RPS6KA2: variants seen among roughly 807,000 people sequenced by gnomAD.
RPS6KA2 encodes the protein ribosomal protein S6 kinase alpha-2.
In RPS6KA2, 42 loss-of-function variants were observed where a neutral mutation model predicts 91.8. That is an observed-to-expected ratio of 0.46 (90% CI 0.36 to 0.59). RPS6KA2 has a LOEUF of 0.59. Among genes scored for constraint, RPS6KA2 ranks in the 20% least tolerant of loss-of-function variants. The pLI, the probability that RPS6KA2 is intolerant of heterozygous loss-of-function variation, is 0.00. For missense variants in RPS6KA2, 798 were observed against 978.5 expected (o/e 0.82, Z 2.46); for synonymous variants, 414 against 393.6 (o/e 1.05, Z -0.61).
intron 10 of RPS6KA2, among the ~76,000 whole-genome samples, chr6:166,487,560 A>C (rs1275159649): frequency 4.6e-5 from 7 of 152,216 alleles, no homozygotes; most frequent in African/African-American, 1.7e-4. Flanking sequence ...ACAGAGGAGA[A>C]CTGCCTCGGA....
intron 2 of RPS6KA2, among the ~76,000 whole-genome samples, chr6:166,657,067 A>G (rs1269461816): frequency 6.6e-6 from 1 of 151,610 alleles, no homozygotes; most frequent in Non-Finnish European, 1.5e-5. Flanking sequence ...GAAGAGCCCC[A>G]CCCCCAACAC....
chr6:166,647,613 T>C (rs901672006), intron 2 of RPS6KA2, among the ~76,000 whole-genome samples: 1 of 152,236 alleles, frequency 6.6e-6, no homozygotes, highest in African/African-American at 2.4e-5. Flanking sequence ...ACAGGAACTC[T>C]TTACTACTGC....
chr6:166,752,825 T>C (rs1162154011), intron 2 of RPS6KA2, among the ~76,000 whole-genome samples: 3 of 152,238 alleles, frequency 2.0e-5, no homozygotes, highest in Non-Finnish European at 4.4e-5. Flanking sequence ...TGGTAAAATC[T>C]GCATCAAGTA....
intron 2 of RPS6KA2, among the ~76,000 whole-genome samples, chr6:166,642,240 G>A (rs535128253): frequency 2.0e-5 from 3 of 152,234 alleles, no homozygotes; most frequent in Non-Finnish European, 2.9e-5. Context: ...CTGAGAGAGT[G>A]GAATAATATA....
intron 10 of RPS6KA2, among the ~76,000 whole-genome samples, chr6:166,477,050 G>A (rs545229178): frequency 2.6e-5 from 4 of 152,276 alleles, no homozygotes; most frequent in South Asian, 2.1e-4. Flanking sequence ...CCACAAAACC[G>A]GCCGCCTGTG....
intron 11 of RPS6KA2, among the ~76,000 whole-genome samples, chr6:166,464,078 AGACGCCT>A (rs1468286984): frequency 6.6e-6 from 1 of 152,206 alleles, no homozygotes; most frequent in Non-Finnish European, 1.5e-5. Context: ...AGCTGCATGG[AGACGCCT>A]GTGCTGTGAG....
At chr6:166,795,719 G>A (rs1355510182) in intron 2 of RPS6KA2, among the ~76,000 whole-genome samples, 2 of 152,226 alleles carry the variant, frequency 1.3e-5, no homozygotes, top group Non-Finnish European at 2.9e-5. Context: ...CAGGCTGTGG[G>A]CTGCTGCCCC....
At chr6:166,837,144 CA>C (rs1780339308) in intron 2 of RPS6KA2, among the ~76,000 whole-genome samples, 1 of 152,186 alleles carries the variant, frequency 6.6e-6, no homozygotes, top group Admixed American at 6.5e-5. Flanking sequence ...GTGGTGAGGC[CA>C]GGGGGCTCCG....
chr6:166,791,295 A>G (rs1439241598), intron 2 of RPS6KA2, among the ~76,000 whole-genome samples: 1 of 152,228 alleles, frequency 6.6e-6, no homozygotes, highest in Non-Finnish European at 1.5e-5. Flanking sequence ...TAAAGGGATC[A>G]ATTCAACAAG....
chr6:166,537,563 G>A (rs1008861424), intron 2 of RPS6KA2, among the ~76,000 whole-genome samples: 17 of 151,676 alleles, frequency 1.1e-4, no homozygotes, highest in Admixed American at 6.6e-5. Context: ...CAGTTCATGC[G>A]GACTGTAGGA....
intron 1 of RPS6KA2, among the ~76,000 whole-genome samples, chr6:166,564,604 T>C (rs1784438820): frequency 6.6e-6 from 1 of 152,238 alleles, no homozygotes; most frequent in Admixed American, 6.5e-5. Context: ...AGGGCCCTCT[T>C]CTAGGCATCT....
At chr6:166,543,674 C>T (rs988677253) in intron 1 of RPS6KA2, among the ~76,000 whole-genome samples, 1 of 152,196 alleles carries the variant, frequency 6.6e-6, no homozygotes, top group South Asian at 2.1e-4. Context: ...CATGTAGTTA[C>T]CCCCTTGGAA....
chr6:166,769,637 G>A (rs1032241944), intron 2 of RPS6KA2, among the ~76,000 whole-genome samples: 1 of 152,142 alleles, frequency 6.6e-6, no homozygotes, highest in Admixed American at 6.5e-5. Flanking sequence ...TGCAAAATGC[G>A]TTCAGACCCA....
chr6:166,822,789 CAATGAATG>C lies in RPS6KA2; in HGVS notation c.123+35403_123+35410del, dbSNP rs35844557. 1.7e-4 allele frequency among the ~76,000 whole-genome samples: 25 copies of C among 149,292 alleles called. No individual in the cohort carries two copies. In the East Asian group the frequency reaches 4.1e-3, roughly 24 times the overall value. On this transcript the variant is annotated intron_variant, in intron 2 of 21. Coordinates refer to the RPS6KA2 transcript ENST00000503859. ...ACATAGGGGCTCAGCACGTGTTTTC[CAATGAATG>C]AATGAATGAATGAATGAATGCAATC...
intron 1 of RPS6KA2, among the ~76,000 whole-genome samples, chr6:166,541,227 A>C (rs569694523): frequency 6.6e-6 from 1 of 152,374 alleles, no homozygotes; most frequent in East Asian, 1.9e-4. Context: ...GCCACACTGC[A>C]GAACAGAAAG....
intron 2 of RPS6KA2, among the ~76,000 whole-genome samples, chr6:166,840,030 T>A (rs1780426769): frequency 6.6e-6 from 1 of 151,946 alleles, no homozygotes; most frequent in Non-Finnish European, 1.5e-5. Flanking sequence ...AGTGTTAACA[T>A]AAAAAATAGA....
At chr6:166,778,905 T>C (rs1418466315) in intron 2 of RPS6KA2, among the ~76,000 whole-genome samples, 1 of 152,252 alleles carries the variant, frequency 6.6e-6, no homozygotes, top group East Asian at 1.9e-4. Context: ...GCAAAAACTC[T>C]GGCCCGTTGC....
At chr6:166,729,626 G>A (rs1790451912) in intron 2 of RPS6KA2, among the ~76,000 whole-genome samples, 2 of 152,166 alleles carry the variant, frequency 1.3e-5, no homozygotes, top group African/African-American at 4.8e-5. Flanking sequence ...ACAGACATAA[G>A]CCACCACACT....
chr6:166,429,369 A>T (rs1487505362), intron 16 of RPS6KA2, among the ~76,000 whole-genome samples: 1 of 151,890 alleles, frequency 6.6e-6, no homozygotes, highest in Non-Finnish European at 1.5e-5. Flanking sequence ...GCACACCAGC[A>T]TGGCACATGT....
Sources: allele counts gnomAD v4.1 joint callset (sites outside exome capture counted in the v4.1 genomes callset), GRCh38; gene constraint gnomAD v4.1.1; transcripts MANE v1.5; gene names NCBI Gene and HGNC (gene_info 2026-07-23, HGNC 2026-07-21).